Variants in MYO16 observed in about 807,000 individuals in gnomAD.
MYO16 encodes unconventional myosin-XVI.
Under a neutral mutation model 205.3 loss-of-function variants are expected in MYO16, and 94 were observed. The observed-to-expected ratio is 0.46, with a 90% CI of 0.39 to 0.54. The LOEUF is 0.54. MYO16 is among the 20% of genes least tolerant of loss of function. The probability of loss-of-function intolerance (pLI) is 0.00; values close to 1 mark genes in which losing one functional copy is unlikely to be tolerated. For synonymous variants in MYO16, 988 were observed against 954.0 expected (o/e 1.04, Z -0.66); for missense variants, 2,315 against 2,387.5 (o/e 0.97, Z 0.63).
At chr13:109,079,106 T>A (rs1219956282) in intron 27 of MYO16, among the ~76,000 whole-genome samples, 1 of 152,138 alleles carries the variant, frequency 6.6e-6, no homozygotes, top group Non-Finnish European at 1.5e-5. Context: ...CTCAGAGAGA[T>A]CTCCAGATTT....
chr13:109,096,120 G>A (rs1053094589), intron 27 of MYO16, among the ~76,000 whole-genome samples: 1 of 152,146 alleles, frequency 6.6e-6, no homozygotes, highest in Non-Finnish European at 1.5e-5. Flanking sequence ...CAAACTCCAT[G>A]GCTTAAAGCA....
intron 1 of MYO16, among the ~76,000 whole-genome samples, chr13:108,660,501 G>T (rs28644354): frequency 6.6e-6 from 1 of 151,976 alleles, no homozygotes. Context: ...TTCCTGTTGG[G>T]CAAGGCCTTT....
intron 4 of MYO16, among the ~76,000 whole-genome samples, chr13:108,774,848 G>A (rs903193069): frequency 2.0e-5 from 3 of 152,106 alleles, no homozygotes; most frequent in Non-Finnish European, 4.4e-5. Flanking sequence ...TCATGAGAAA[G>A]TATATATGTT....
chr13:109,092,245 A>T (rs927732690), intron 27 of MYO16, among the ~76,000 whole-genome samples: 11 of 152,228 alleles, frequency 7.2e-5, no homozygotes, highest in African/African-American at 2.7e-4. Context: ...AACATACAGT[A>T]TATTTTCTAA....
chr13:108,694,949 CT>C (rs1480942735), intron 2 of MYO16, among the ~76,000 whole-genome samples: 5 of 152,048 alleles, frequency 3.3e-5, no homozygotes, highest in African/African-American at 9.7e-5. Context: ...CCCGTCTCTA[CT>C]AAAAATACAA....
intron 4 of MYO16, among the ~76,000 whole-genome samples, chr13:108,737,513 T>G (rs1250627983): frequency 6.6e-6 from 1 of 152,200 alleles, no homozygotes; most frequent in African/African-American, 2.4e-5. Context: ...GGATAAGCTT[T>G]TTGATGTGCT....
chr13:108,529,252 A>T, the MYO16 span, among the ~76,000 whole-genome samples: 1 of 151,962 alleles, frequency 6.6e-6, no homozygotes, highest in Non-Finnish European at 1.5e-5. Flanking sequence ...GAGCATGAGG[A>T]TCACTAGGGC....
At chr13:108,501,802 G>A in the MYO16 span, among the ~76,000 whole-genome samples, 1 of 152,152 alleles carries the variant, frequency 6.6e-6, no homozygotes, top group Non-Finnish European at 1.5e-5. Context: ...ACAGCCTAAC[G>A]TATTTACTCT....
intron 25 of MYO16, among the ~76,000 whole-genome samples, chr13:109,054,483 A>T (rs1015149909): frequency 1.3e-5 from 2 of 152,122 alleles, no homozygotes; most frequent in Non-Finnish European, 2.9e-5. Flanking sequence ...ATAAAACACC[A>T]TCATTTTGCC....
intron 28 of MYO16, among the ~76,000 whole-genome samples, chr13:109,115,815 T>A (rs939815278): frequency 6.6e-6 from 1 of 152,222 alleles, no homozygotes; most frequent in Non-Finnish European, 1.5e-5. Flanking sequence ...TAAATTTGTA[T>A]CTTCATTAAT....
chr13:108,688,801 C>T (rs1882782354), intron 2 of MYO16, among the ~76,000 whole-genome samples: 1 of 152,150 alleles, frequency 6.6e-6, no homozygotes, highest in Admixed American at 6.5e-5. Flanking sequence ...GAAAGACCGT[C>T]AATTTTGGAA....
chr13:109,008,657 T>G, intron 21 of MYO16, among the ~76,000 whole-genome samples: 1 of 142,622 alleles, frequency 7.0e-6, no homozygotes, highest in Non-Finnish European at 1.5e-5. Context: ...CTGTCTATCT[T>G]GTGTATGCAC....
intron 27 of MYO16, among the ~76,000 whole-genome samples, chr13:109,093,716 A>G (rs952429517): frequency 6.6e-6 from 1 of 152,088 alleles, no homozygotes; most frequent in African/African-American, 2.4e-5. Flanking sequence ...CTACCCAAAT[A>G]TGTAGAGAGC....
At chr13:109,148,305 T>C (rs1248317746) in intron 32 of MYO16, among the ~76,000 whole-genome samples, 1 of 152,236 alleles carries the variant, frequency 6.6e-6, no homozygotes, top group African/African-American at 2.4e-5. Context: ...TTCTCACAAC[T>C]TGTAGCGCTT....
At chr13:108,536,775 A>G in the MYO16 span, among the ~76,000 whole-genome samples, 13,717 of 152,214 alleles carry the variant, frequency 0.09, 775 homozygotes, top group South Asian at 0.14. Context: ...ACAATAAGAC[A>G]TTCAACAGTT....
intron 15 of MYO16, among the ~76,000 whole-genome samples, chr13:108,905,627 T>C (rs572802901): frequency 6.6e-6 from 1 of 152,352 alleles, no homozygotes; most frequent in South Asian, 2.1e-4. Context: ...AAGAGAATTC[T>C]GTTCACCAAA....
intron 24 of MYO16, 58 bp downstream of exon 24, chr13:109,047,049 CT>C: frequency 8.0e-7 from 1 of 1,246,998 alleles, no homozygotes. Context: ...TCCGTTATTT[CT>C]TTATCTCTGA....
At chr13:109,058,246 G>A (rs1486786999) in intron 27 of MYO16, among the ~76,000 whole-genome samples, 1 of 152,060 alleles carries the variant, frequency 6.6e-6, no homozygotes, top group Non-Finnish European at 1.5e-5. Flanking sequence ...ATGTTGAAAG[G>A]GTGCCGGTGC....
At chr13:108,566,095 T>G in the MYO16 span, among the ~76,000 whole-genome samples, 1 of 152,014 alleles carries the variant, frequency 6.6e-6, no homozygotes, top group Admixed American at 6.6e-5. Flanking sequence ...AAAGTTTGAG[T>G]ATGATTAGTA....
Sources: allele counts gnomAD v4.1 joint callset (sites outside exome capture counted in the v4.1 genomes callset), GRCh38; gene constraint gnomAD v4.1.1; transcripts MANE v1.5; gene names NCBI Gene and HGNC (gene_info 2026-07-23, HGNC 2026-07-21).